Variants in PRICKLE1 observed in about 807,000 individuals in gnomAD.
The protein encoded by PRICKLE1 is prickle-like protein 1.
PRICKLE1 carries 14 observed loss-of-function variants against 70.2 expected under a neutral mutation model. The ratio of observed to expected loss-of-function variants is 0.20; its 90% CI spans 0.13 to 0.31. PRICKLE1 has a LOEUF of 0.31. Ranked by LOEUF, PRICKLE1 falls within the 10% of genes least tolerant of loss-of-function variation. The pLI, the probability that PRICKLE1 is intolerant of heterozygous loss-of-function variation, is 1.00. For missense variants in PRICKLE1, 821 were observed against 1,026.2 expected (o/e 0.80, Z 2.73); for synonymous variants, 357 against 379.9 (o/e 0.94, Z 0.70).
chr12:42,514,311 T>A (rs1239399149), intron 1 of PRICKLE1, among the ~76,000 whole-genome samples: 1 of 152,158 alleles, frequency 6.6e-6, no homozygotes, highest in Admixed American at 6.6e-5. Context: ...ATTTCATACT[T>A]TCCTCTGTGT....
chr12:42,563,277 A>G (rs1471349734), intron 1 of PRICKLE1, among the ~76,000 whole-genome samples: 1 of 152,178 alleles, frequency 6.6e-6, no homozygotes, highest in Non-Finnish European at 1.5e-5. Flanking sequence ...GTGGCAAGCA[A>G]AATTCCAGCA....
At chr12:42,523,371 A>G (rs1463281922) in intron 1 of PRICKLE1, among the ~76,000 whole-genome samples, 1 of 152,150 alleles carries the variant, frequency 6.6e-6, no homozygotes, top group Non-Finnish European at 1.5e-5. Context: ...CATAGGGGCA[A>G]CTCTTGAATT....
intron 1 of PRICKLE1, among the ~76,000 whole-genome samples, chr12:42,544,109 T>G (rs1354954707): frequency 1.3e-5 from 2 of 151,960 alleles, no homozygotes; most frequent in Non-Finnish European, 2.9e-5. Context: ...GTGGCAGAGG[T>G]GGAAGAAAAT....
intron 1 of PRICKLE1, among the ~76,000 whole-genome samples, chr12:42,513,599 C>T (rs1294712826): frequency 1.3e-5 from 2 of 151,748 alleles, no homozygotes; most frequent in African/African-American, 4.8e-5. Flanking sequence ...CTGCTCTTTG[C>T]CCTTAATTAA....
rs761685361 is a variant in PRICKLE1 at position 42,470,292 on chromosome 12, T to C, written c.200A>G (p.His67Arg). The change falls in exon 3 of 8, where the codon CAT becomes CGT. Residue 67 changes from histidine (H) to arginine (R), a missense_variant. By Grantham distance (29) the His-to-Arg change is conservative. Coordinates refer to ENST00000345127, the MANE Select transcript of PRICKLE1 (RefSeq NM_153026.3). ...CTGGTACAAAAGCTGTTTAATCCGA[T>C]GCTTCTCTCCGGGGCTGTTAACGTA... is the stretch of plus-strand genomic sequence containing the variant. ...VPYVNSPGEK[H>R]RIKQLLYQLP... is the part of the protein sequence containing the mutation. 3.1e-6 allele frequency: 5 copies of C among 1,614,174 alleles called. No homozygotes were observed. Among genetic ancestry groups the C allele is most frequent in the South Asian group, 1.1e-5 (1 of 91,086 alleles).
chr12:42,466,641 G>A (rs924726633), intron 5 of PRICKLE1, among the ~76,000 whole-genome samples: 10 of 152,090 alleles, frequency 6.6e-5, no homozygotes, highest in Non-Finnish European at 8.8e-5. Flanking sequence ...ATTCTACACC[G>A]GAGGTAATTC....
At chr12:42,481,788 G>A (rs1938803401) in intron 1 of PRICKLE1, among the ~76,000 whole-genome samples, 1 of 152,176 alleles carries the variant, frequency 6.6e-6, no homozygotes, top group Admixed American at 6.5e-5. Context: ...TGTTTAGGAT[G>A]TCCTTAACTT....
At chr12:42,499,276 A>T (rs148203383) in intron 1 of PRICKLE1, among the ~76,000 whole-genome samples, 15 of 152,332 alleles carry the variant, frequency 9.8e-5, no homozygotes, top group African/African-American at 3.6e-4. Context: ...AGGAGCCTAT[A>T]TTCAAACCTT....
chr12:42,518,107 T>TC (rs1319731066), intron 1 of PRICKLE1, among the ~76,000 whole-genome samples: 1 of 151,946 alleles, frequency 6.6e-6, no homozygotes, highest in Non-Finnish European at 1.5e-5. Flanking sequence ...CTGAGGATTT[T>TC]TTTTTTTTTT....
intron 1 of PRICKLE1, among the ~76,000 whole-genome samples, chr12:42,536,471 T>A (rs1164608179): frequency 6.6e-6 from 1 of 152,172 alleles, no homozygotes; most frequent in Admixed American, 6.5e-5. Flanking sequence ...AGCTCCCTCT[T>A]CAGCGGAGTT....
At chr12:42,468,887 G>A in intron 4 of PRICKLE1, 58 bp from the exon 5 acceptor site, 2 of 1,517,898 alleles carry the variant, frequency 1.3e-6, no homozygotes, top group South Asian at 1.1e-5. Flanking sequence ...GGATTCTCAG[G>A]CTTTCCTACT....
chr12:42,485,250 T>G (rs886204099), intron 1 of PRICKLE1: 6 of 124,244 alleles, frequency 4.8e-5, no homozygotes, highest in African/African-American at 7.0e-5. Flanking sequence ...TTTTTTTTTT[T>G]TTTTTTTTTT....
At chr12:42,495,218 A>AAACAAAACAG (rs1310548357) in intron 1 of PRICKLE1, among the ~76,000 whole-genome samples, 3 of 151,266 alleles carry the variant, frequency 2.0e-5, no homozygotes, top group Non-Finnish European at 4.4e-5. Context: ...AAACAAAACA[A>AAACAAAACAG]AACAAAACAA....
intron 1 of PRICKLE1, among the ~76,000 whole-genome samples, chr12:42,587,919 C>T (rs1941008976): frequency 6.6e-6 from 1 of 152,188 alleles, no homozygotes; most frequent in Admixed American, 6.5e-5. Flanking sequence ...CAAAATGTAT[C>T]TATCTTGCTG....
At chr12:42,492,292 C>T (rs886299870) in intron 1 of PRICKLE1, among the ~76,000 whole-genome samples, 2 of 152,120 alleles carry the variant, frequency 1.3e-5, no homozygotes, top group African/African-American at 4.8e-5. Flanking sequence ...AGAATATTTG[C>T]TGCTTTGTTT....
At chr12:42,547,085 G>A (rs1369674116) in intron 1 of PRICKLE1, among the ~76,000 whole-genome samples, 1 of 152,188 alleles carries the variant, frequency 6.6e-6, no homozygotes, top group African/African-American at 2.4e-5. Flanking sequence ...ACAATCAACA[G>A]GAGGTGTGAA....
chr12:42,481,893 AC>A (rs538940154), intron 1 of PRICKLE1, among the ~76,000 whole-genome samples: 54 of 151,318 alleles, frequency 3.6e-4, no homozygotes, highest in Non-Finnish European at 4.9e-4. Flanking sequence ...CTTACTGTCT[AC>A]TAAAGACAAA....
At chr12:42,573,554 A>G (rs1940757157) in intron 1 of PRICKLE1, among the ~76,000 whole-genome samples, 1 of 152,106 alleles carries the variant, frequency 6.6e-6, no homozygotes. Context: ...GGAAAGTATG[A>G]TTCTTTTTGT....
intron 1 of PRICKLE1, among the ~76,000 whole-genome samples, chr12:42,543,458 G>A (rs181654075): frequency 4.1e-4 from 62 of 150,186 alleles, no homozygotes; most frequent in African/African-American, 1.4e-3. Flanking sequence ...TCATTCTCCC[G>A]CAAGGCTGGG....
Sources: allele counts gnomAD v4.1 joint callset (sites outside exome capture counted in the v4.1 genomes callset), GRCh38; gene constraint gnomAD v4.1.1; transcripts MANE v1.5; gene names NCBI Gene and HGNC (gene_info 2026-07-23, HGNC 2026-07-21).